Variants in CDKL4 observed in about 807,000 individuals in gnomAD.
CDKL4 encodes cyclin dependent kinase like 4, also known as cyclin-dependent kinase-like 4.
A neutral mutation model predicts 42.0 loss-of-function variants in CDKL4; 44 were observed. That is an observed-to-expected ratio of 1.05 (90% CI 0.82 to 1.35). CDKL4 has a LOEUF of 1.35. Among genes scored for constraint, CDKL4 ranks in the 40% most tolerant of loss-of-function variants. The pLI is 0.00. For synonymous variants in CDKL4, 120 were observed against 121.6 expected, an observed-to-expected ratio of 0.99 and a Z score of 0.09; for missense variants, 393 against 369.9, an observed-to-expected ratio of 1.06 and a Z score of -0.51.
At chr2:39,183,361 C>T (rs889127585) in intron 8 of CDKL4, among the ~76,000 whole-genome samples, 5 of 152,108 alleles carry the variant, frequency 3.3e-5, no homozygotes, top group African/African-American at 1.2e-4. Flanking sequence ...GTCCATGAAA[C>T]AGCACAATCC....
intron 5 of CDKL4, among the ~76,000 whole-genome samples, chr2:39,194,574 G>C (rs1287582370): frequency 6.6e-6 from 1 of 152,140 alleles, no homozygotes; most frequent in Non-Finnish European, 1.5e-5. Context: ...TGAAGAGGAA[G>C]ATTATTTCAT....
At chr2:39,195,631 T>G (rs1572964722) in intron 5 of CDKL4, among the ~76,000 whole-genome samples, 1 of 151,384 alleles carries the variant, frequency 6.6e-6, no homozygotes, top group East Asian at 1.9e-4. Context: ...ATTTTTTACA[T>G]TTTTAATTAA....
chr2:39,230,668 C>T (rs555765836), intron 1 of CDKL4, among the ~76,000 whole-genome samples: 2 of 152,326 alleles, frequency 1.3e-5, no homozygotes, highest in South Asian at 4.1e-4. Context: ...CCCCACCCCA[C>T]TTTATCCAGC....
chr2:39,193,237 C>A (rs1306422366), intron 5 of CDKL4, among the ~76,000 whole-genome samples: 1 of 148,602 alleles, frequency 6.7e-6, no homozygotes, highest in East Asian at 1.9e-4. Context: ...TATTCGAGAC[C>A]AGCCTGGGCA....
chr2:39,216,371 T>C (rs1349249638), intron 3 of CDKL4, among the ~76,000 whole-genome samples: 25 of 152,084 alleles, frequency 1.6e-4, no homozygotes, highest in Admixed American at 1.6e-3. Flanking sequence ...CCAGGGTGGC[T>C]GAAACTTGAG....
intron 5 of CDKL4, among the ~76,000 whole-genome samples, chr2:39,200,335 T>C (rs1481444651): frequency 2.0e-5 from 3 of 152,040 alleles, no homozygotes; most frequent in Non-Finnish European, 4.4e-5. Context: ...AAAGAAATCA[T>C]AGATGACACA....
rs571038257 is a variant in CDKL4, at chr2:39,234,565, A to C, written c.-56-4977T>G. On this transcript the variant is annotated intron_variant, in intron 1 of 9. Coordinates refer to ENST00000451199, the Ensembl canonical transcript of CDKL4. ...AATAGTTGAAATAATAATCCAATAA[A>C]ATTTTCTGGAAATAAAATAAAATCT... Among the ~76,000 whole-genome samples, 34 of 152,316 alleles carry C rather than the reference A, an allele frequency of 2.2e-4. No homozygotes were observed. In the East Asian group the frequency reaches 6.4e-3, roughly 29 times the overall value.
intron 8 of CDKL4, among the ~76,000 whole-genome samples, chr2:39,180,243 T>C (rs1170157646): frequency 6.6e-6 from 1 of 152,200 alleles, no homozygotes. Context: ...AAGGAGCAGT[T>C]TTACAATACA....
intron 7 of CDKL4, among the ~76,000 whole-genome samples, chr2:39,186,000 G>C (rs1675811819): frequency 6.6e-6 from 1 of 152,050 alleles, no homozygotes; most frequent in Non-Finnish European, 1.5e-5. Flanking sequence ...ACATGCATAA[G>C]AGCACTACAG....
In CDKL4 at chr2:39,229,421, A is replaced by G. The variant is rs35947084; in HGVS notation, c.112T>C (p.Ser38Pro). The change falls in exon 2 of 10, where the codon TCT becomes CCT. Residue 38 changes from serine (S) to proline (P), a missense_variant. Coordinates refer to ENST00000451199, the Ensembl canonical transcript of CDKL4. ...TTCTTAACAACAGGATCATCTTCAG[A>G]TTCCACAAATTTTTTAACAGCTACT... The G allele has an allele frequency of 5.8e-5, 94 of 1,612,906 alleles. No homozygotes were observed. The highest frequency in any genetic ancestry group is 7.5e-5 in the Non-Finnish European group (89 of 1,179,604).
At chr2:39,233,040 A>G (rs1274085713) in intron 1 of CDKL4, among the ~76,000 whole-genome samples, 2 of 44,990 alleles carry the variant, frequency 4.4e-5, no homozygotes, top group East Asian at 6.0e-4. Context: ...GTGAGACTCC[A>G]TCTCAAAAAA....
chr2:39,235,840 T>G (rs911707355), intron 1 of CDKL4, among the ~76,000 whole-genome samples: 3 of 150,020 alleles, frequency 2.0e-5, no homozygotes, highest in African/African-American at 7.4e-5. Context: ...AACAAAAAAA[T>G]TAGGAGATAA....
chr2:39,232,562 C>A (rs1241386066), intron 1 of CDKL4, among the ~76,000 whole-genome samples: 1 of 152,174 alleles, frequency 6.6e-6, no homozygotes, highest in Non-Finnish European at 1.5e-5. Context: ...CCACGTTATG[C>A]CTAAATGGCT....
At chr2:39,203,165 C>A (rs1258410912) in intron 5 of CDKL4, among the ~76,000 whole-genome samples, 2 of 151,950 alleles carry the variant, frequency 1.3e-5, no homozygotes, top group Non-Finnish European at 2.9e-5. Flanking sequence ...AGTAGGAAAG[C>A]TGACTTGCAT....
At position 39,197,870 on chromosome 2, in the gene CDKL4, A is replaced by AAATATATTT. The variant is rs1241843713; in HGVS notation, c.454+6656_454+6657insAAATATATT. Among the ~76,000 whole-genome samples, 1,094 of 152,258 alleles carry AAATATATTT rather than the reference A, an allele frequency of 7.2e-3. 10 individuals carry two copies. Among genetic ancestry groups the AAATATATTT allele is most frequent in the African/African-American group, 0.025 (1,045 of 41,532 alleles). The stretch of plus-strand genomic sequence containing the variant: ...ATCTTGAAACAAATATTTGAAATAC[A>AAATATATTT]CCAAAATAGAATCTCCTTAAAGCAT... On this transcript the variant is annotated intron_variant, in intron 5 of 9. Coordinates refer to ENST00000451199, the Ensembl canonical transcript of CDKL4.
intron 4 of CDKL4, among the ~76,000 whole-genome samples, chr2:39,206,706 A>C (rs1388666090): frequency 6.6e-6 from 1 of 152,244 alleles, no homozygotes; most frequent in African/African-American, 2.4e-5. Context: ...CTTTCAATTC[A>C]AAGCATAAAT....
intron 4 of CDKL4, among the ~76,000 whole-genome samples, chr2:39,208,701 CTTTTTTTTT>C (rs761337117): frequency 2.0e-5 from 2 of 102,004 alleles, no homozygotes; most frequent in African/African-American, 7.2e-5. Flanking sequence ...GACGGGCAAT[CTTTTTTTTT>C]TTTTTTTTTT....
At chr2:39,232,108 C>CT (rs1679117007) in intron 1 of CDKL4, among the ~76,000 whole-genome samples, 1 of 151,874 alleles carries the variant, frequency 6.6e-6, no homozygotes, top group Non-Finnish European at 1.5e-5. Flanking sequence ...TATGTTTTTT[C>CT]TTTTTTCTCA....
intron 1 of CDKL4, among the ~76,000 whole-genome samples, chr2:39,234,279 T>C (rs923556921): frequency 2.6e-5 from 4 of 151,906 alleles, no homozygotes; most frequent in Non-Finnish European, 5.9e-5. Flanking sequence ...AAAAAGATAG[T>C]TGATTGAACT....
Sources: allele counts gnomAD v4.1 joint callset (sites outside exome capture counted in the v4.1 genomes callset), GRCh38; gene constraint gnomAD v4.1.1; transcripts MANE v1.5; gene names NCBI Gene and HGNC (gene_info 2026-07-23, HGNC 2026-07-21).